The following DNM3 variants were observed in gnomAD, a reference collection of about 807,000 sequenced individuals.
The protein encoded by DNM3 is dynamin-3.
Under a neutral mutation model 101.6 loss-of-function variants are expected in DNM3, and 47 were observed. The ratio of observed to expected loss-of-function variants is 0.46; its 90% CI spans 0.37 to 0.59. The LOEUF is 0.59. Ranked by LOEUF, DNM3 falls within the 20% of genes least tolerant of loss-of-function variation. The pLI is 0.00. For synonymous variants in DNM3, 385 were observed against 387.9 expected (o/e 0.99, Z 0.09); for missense variants, 849 against 1,085.7 (o/e 0.78, Z 3.06).
At chr1:172,196,322 A>G (rs574752993) in intron 14 of DNM3, among the ~76,000 whole-genome samples, 37 of 151,590 alleles carry the variant, frequency 2.4e-4, no homozygotes, top group Admixed American at 2.1e-3. Flanking sequence ...AGGCCTATAG[A>G]TTTATTCCGT....
At chr1:172,080,611 G>T (rs752703802) in intron 11 of DNM3, among the ~76,000 whole-genome samples, 1 of 152,178 alleles carries the variant, frequency 6.6e-6, no homozygotes, top group African/African-American at 2.4e-5. Flanking sequence ...CCTGGCTTCA[G>T]CCCCCTTTCC....
chr1:172,295,536 T>C lies in DNM3; in HGVS notation c.1770-13192T>C, dbSNP rs1462109612. Among the ~76,000 whole-genome samples, 11 of 152,308 alleles carry C rather than the reference T, an allele frequency of 7.2e-5. 1 individual carries two copies. The South Asian group carries it at 2.1e-3, about 29-fold the overall frequency. The stretch of plus-strand genomic sequence containing the variant: ...ATTATTTTTGTATTCCTGAATTGTA[T>C]GTGTATATATAAAATATACGTATAT... On this transcript the variant is annotated intron_variant, in intron 15 of 20. Coordinates refer to ENST00000627582, the MANE Select transcript of DNM3 (RefSeq NM_015569.5).
intron 14 of DNM3, among the ~76,000 whole-genome samples, chr1:172,166,674 A>G (rs7551320): frequency 1.4e-4 from 22 of 152,110 alleles, no homozygotes; most frequent in African/African-American, 5.1e-4. Flanking sequence ...AGAATTAATT[A>G]TATGAATAAT....
At chr1:172,299,590 T>G (rs949387409) in intron 15 of DNM3, among the ~76,000 whole-genome samples, 4 of 152,138 alleles carry the variant, frequency 2.6e-5, no homozygotes, top group African/African-American at 9.7e-5. Context: ...TTTGTCTATA[T>G]GTGCCCAATG....
intron 20 of DNM3, among the ~76,000 whole-genome samples, chr1:172,391,646 A>C (rs2069538736): frequency 6.6e-6 from 1 of 152,128 alleles, no homozygotes; most frequent in Non-Finnish European, 1.5e-5. Flanking sequence ...AAAAACTTAG[A>C]AAGTTGAAAT....
At chr1:171,943,768 G>A (rs1407469498) in intron 2 of DNM3, among the ~76,000 whole-genome samples, 1 of 152,182 alleles carries the variant, frequency 6.6e-6, no homozygotes, top group Admixed American at 6.5e-5. Flanking sequence ...GATCTCCTGA[G>A]GGCTGTGTCA....
intron 9 of DNM3, among the ~76,000 whole-genome samples, 162 bp from the exon 10 acceptor site, chr1:172,048,450 A>AC (rs1390810219): frequency 4.6e-5 from 7 of 152,260 alleles, no homozygotes; most frequent in African/African-American, 1.4e-4. Context: ...GTTAAAGGTC[A>AC]CATGATGTGC....
Position 171,918,671 on chromosome 1 carries a change from G to C in DNM3, c.162-3077G>C, listed in dbSNP as rs564727875. Among the ~76,000 whole-genome samples, 4 of 152,224 alleles carry C rather than the reference G, an allele frequency of 2.6e-5. No homozygotes were observed. The South Asian group carries it at 8.3e-4, about 32-fold the overall frequency. On this transcript the variant is annotated intron_variant, in intron 1 of 20. Transcript: ENST00000627582. ...GGTAGGACTGGTGAGAGCCATGAAG[G>C]GAACTAGTAACTGTGAGTTAATAAG...
At chr1:172,048,537 A>G in intron 9 of DNM3, 75 bp from the exon 10 acceptor site, 5 of 1,473,766 alleles carry the variant, frequency 3.4e-6, no homozygotes, top group Non-Finnish European at 4.5e-6. Context: ...ATGTTAATTT[A>G]AACATTTTTC....
At chr1:172,389,485 C>T (rs1228352310) in intron 20 of DNM3, among the ~76,000 whole-genome samples, 1 of 152,074 alleles carries the variant, frequency 6.6e-6, no homozygotes, top group East Asian at 1.9e-4. Flanking sequence ...AAATAATGGA[C>T]CTAGAAACAC....
chr1:172,139,594 G>A (rs2057454147), intron 14 of DNM3: 1 of 152,348 alleles, frequency 6.6e-6, no homozygotes. Context: ...AGGCAGTTGT[G>A]AGCTTAAGTT....
chr1:172,407,675 T>A (rs1010205955), intron 20 of DNM3, 97 bp from the exon 21 acceptor site: 11 of 1,239,460 alleles, frequency 8.9e-6, no homozygotes, highest in Non-Finnish European at 1.3e-5. Flanking sequence ...TGTATGTGCA[T>A]GAGCATGTGT....
chr1:172,243,986 G>A (rs368343133), intron 14 of DNM3, among the ~76,000 whole-genome samples: 7 of 152,028 alleles, frequency 4.6e-5, no homozygotes, highest in African/African-American at 1.4e-4. Context: ...TCTAGCATTA[G>A]GTATATCTCC....
intron 1 of DNM3, among the ~76,000 whole-genome samples, chr1:171,850,945 A>G (rs1369181680): frequency 6.6e-6 from 1 of 152,134 alleles, no homozygotes. Flanking sequence ...CACTGTGAGA[A>G]TTAGGAGTAT....
chr1:172,213,823 G>T (rs1369531178), intron 14 of DNM3, among the ~76,000 whole-genome samples: 2 of 148,728 alleles, frequency 1.3e-5, no homozygotes, highest in Non-Finnish European at 3.0e-5. Context: ...GCAAGACTCT[G>T]TCTCAAAAAA....
At chr1:171,844,787 T>C (rs139752500) in intron 1 of DNM3, among the ~76,000 whole-genome samples, 15 of 152,306 alleles carry the variant, frequency 9.8e-5, no homozygotes, top group Non-Finnish European at 2.1e-4. Flanking sequence ...AATCTGAACA[T>C]AGGGGTTTAC....
intron 4 of DNM3, among the ~76,000 whole-genome samples, chr1:172,026,539 G>A (rs1461477445): frequency 6.6e-6 from 1 of 152,112 alleles, no homozygotes; most frequent in Non-Finnish European, 1.5e-5. Context: ...AGGAAAAAAT[G>A]TTAAGGGTAG....
chr1:172,388,095 G>C (rs574730884), intron 19 of DNM3, among the ~76,000 whole-genome samples: 1 of 152,126 alleles, frequency 6.6e-6, no homozygotes, highest in East Asian at 1.9e-4. Context: ...TTAGCTGGGG[G>C]TGGTGGCGCA....
intron 2 of DNM3, among the ~76,000 whole-genome samples, chr1:171,972,223 G>A (rs1053260149): frequency 2.6e-5 from 4 of 152,218 alleles, no homozygotes; most frequent in Admixed American, 6.5e-5. Context: ...TGTGGAAGGC[G>A]TAATACATGT....
Sources: gnomAD v4.1 joint callset for allele counts (sites outside exome capture counted in the v4.1 genomes callset) on GRCh38, gnomAD v4.1.1 for gene constraint, MANE v1.5 for transcripts, NCBI Gene and HGNC (gene_info 2026-07-23, HGNC 2026-07-21) for gene names.